WDR59: variants seen among roughly 807,000 people sequenced by gnomAD.
The protein encoded by WDR59 is GATOR2 complex protein WDR59.
Under a neutral mutation model 131.2 loss-of-function variants are expected in WDR59, and 100 were observed. The ratio of observed to expected loss-of-function variants is 0.76; its 90% CI spans 0.65 to 0.90. The LOEUF (loss-of-function observed/expected upper bound fraction) is 0.90. WDR59 is among the 40% of genes least tolerant of loss of function. The probability of loss-of-function intolerance (pLI) is 0.00; values close to 1 mark genes in which losing one functional copy is unlikely to be tolerated. For synonymous variants in WDR59, 601 were observed against 466.2 expected, an observed-to-expected ratio of 1.29 and a Z score of -3.72; for missense variants, 1,203 against 1,262.2, an observed-to-expected ratio of 0.95 and a Z score of 0.71.
At chr16:74,917,048 C>T (rs1201895578) in intron 11 of WDR59, among the ~76,000 whole-genome samples, 3 of 152,056 alleles carry the variant, frequency 2.0e-5, no homozygotes, top group African/African-American at 7.2e-5. Flanking sequence ...ATGTACCAAG[C>T]GCTGTGGGAG....
At chr16:74,951,762 A>G (rs1267873540) in intron 3 of WDR59, among the ~76,000 whole-genome samples, 1 of 152,210 alleles carries the variant, frequency 6.6e-6, no homozygotes, top group Non-Finnish European at 1.5e-5. Context: ...CAAAATGGAA[A>G]GGCAGGACTA....
At chr16:74,934,711 G>A (rs1052167833) in intron 8 of WDR59, among the ~76,000 whole-genome samples, 4 of 152,232 alleles carry the variant, frequency 2.6e-5, no homozygotes, top group African/African-American at 9.6e-5. Context: ...ACTTTGGGAG[G>A]CTGAAGCAGG....
rs12928992 is a variant in WDR59 at position 74,872,735 on chromosome 16, A to G, written c.*1474T>C. ...AACCCAGCCCATCTGAACAGAGGCAAGGAAGACTTTGGTTTATTGACAGGG... is the reference window on the plus strand; with the variant it reads ...AACCCAGCCCATCTGAACAGAGGCAGGGAAGACTTTGGTTTATTGACAGGG... On this transcript the variant is annotated 3_prime_UTR_variant, in exon 26 of 26. Transcript: ENST00000262144. The G allele has an allele frequency of 0.56, 84,684 of 151,728 alleles. 23,965 individuals are homozygous for G. The highest frequency in any genetic ancestry group is 0.66 in the East Asian group (3,395 of 5,126). 9.4% of individuals were successfully genotyped at this position (151,728 alleles called of 1,614,324 possible). A position where few individuals can be genotyped will look rare whatever the true frequency, so the allele number is the denominator to read the frequency against.
chr16:74,968,337 G>A (rs930668544), intron 1 of WDR59, among the ~76,000 whole-genome samples: 1 of 152,202 alleles, frequency 6.6e-6, no homozygotes, highest in African/African-American at 2.4e-5. Flanking sequence ...AGAAGGACAT[G>A]GCAAGGACCT....
intron 6 of WDR59, among the ~76,000 whole-genome samples, chr16:74,946,405 C>A (rs947615453): frequency 1.3e-5 from 2 of 152,086 alleles, no homozygotes; most frequent in African/African-American, 4.8e-5. Flanking sequence ...TACATACACT[C>A]GTCTACAGAA....
chr16:74,906,309 G>A (rs1250681478), intron 17 of WDR59, among the ~76,000 whole-genome samples: 24 of 220 alleles, frequency 0.11, no homozygotes, highest in Admixed American at 0.19. Context: ...GCAAGACTCC[G>A]TCTCAAAAAA....
intron 8 of WDR59, among the ~76,000 whole-genome samples, chr16:74,927,904 C>CTTTTTTTTTTTTTTTTT (rs199671092): frequency 1.5e-5 from 2 of 137,910 alleles, no homozygotes; most frequent in Admixed American, 7.3e-5. Context: ...TTTATTCTTT[C>CTTTTTTTTTTTTTTTTT]TTTCTTTTTT....
At chr16:74,912,839 G>C (rs1011447803) in intron 13 of WDR59, among the ~76,000 whole-genome samples, 5 of 152,228 alleles carry the variant, frequency 3.3e-5, no homozygotes, top group Non-Finnish European at 7.3e-5. Context: ...GATGGGCTGT[G>C]GCTAGCTATC....
At chr16:74,886,188 A>T in intron 24 of WDR59, 82 bp downstream of exon 24, 1 of 1,466,156 alleles carries the variant, frequency 6.8e-7, no homozygotes, top group East Asian at 2.3e-5. Flanking sequence ...AAAAAAAAAA[A>T]AAGTAAGAGT....
chr16:74,912,324 G>C lies in WDR59; in HGVS notation c.1263C>G (p.His421Gln). The part of the protein sequence containing the change: ...AADRSCTVSV[H>Q]CSNHRVKMLV... The stretch of plus-strand genomic sequence containing the variant: ...GCATCTTGACACGATGGTTGCTGCA[G>C]TGCACAGACACTGTGCAGCTCCTGT... The change falls in exon 14 of 26, where the codon CAC becomes CAG. Residue 421 changes from histidine to glutamine, a missense_variant. Transcript: ENST00000262144. 1 of 1,614,116 alleles carries C rather than the reference G, an allele frequency of 6.2e-7. No individual in the cohort carries two copies. The highest frequency in any genetic ancestry group is 1.1e-5 in the South Asian group (1 of 91,084).
chr16:74,949,357 A>T (rs1236670432), intron 5 of WDR59, among the ~76,000 whole-genome samples: 1 of 146,438 alleles, frequency 6.8e-6, no homozygotes, highest in African/African-American at 2.5e-5. Flanking sequence ...AAAAAAAAGA[A>T]AGGAAAGAAA....
intron 18 of WDR59, chr16:74,899,662 A>G (rs1421356843): frequency 7.8e-7 from 1 of 1,285,474 alleles, no homozygotes; most frequent in East Asian, 5.6e-5. Flanking sequence ...TAGAGACAGG[A>G]TTAGTTAAGG....
chr16:74,971,083 C>G (rs1472746138), intron 1 of WDR59, among the ~76,000 whole-genome samples: 1 of 151,970 alleles, frequency 6.6e-6, no homozygotes, highest in Admixed American at 6.6e-5. Flanking sequence ...TAGGTCAGAA[C>G]CAAGTCAAAA....
intron 6 of WDR59, among the ~76,000 whole-genome samples, chr16:74,943,486 T>C (rs1321595145): frequency 2.0e-5 from 3 of 152,132 alleles, no homozygotes; most frequent in African/African-American, 7.2e-5. Context: ...GTGTCATTGA[T>C]ACATTAGTGA....
Position 74,871,714 on chromosome 16 carries a change from G to T in WDR59, c.*2495C>A, listed in dbSNP as rs1964015409. ...TCTCTGCAAATGGTGTGATTTCACTGAGGAACACAACAGATCCTTTCTCTC... is the reference window on the plus strand; with the variant it reads ...TCTCTGCAAATGGTGTGATTTCACTTAGGAACACAACAGATCCTTTCTCTC... On this transcript the variant is annotated 3_prime_UTR_variant, in exon 26 of 26. Coordinates refer to ENST00000262144, the MANE Select transcript of WDR59 (RefSeq NM_030581.4). The T allele has an allele frequency of 6.6e-6, 1 of 152,202 alleles. No homozygotes were observed. Among genetic ancestry groups the T allele is most frequent in the Non-Finnish European group, 1.5e-5 (1 of 68,040 alleles). The allele number at this position is 152,202 out of a possible 1,614,324, so 9.4% of individuals were successfully genotyped here. A position where few individuals can be genotyped will look rare whatever the true frequency, so the allele number is the denominator to read the frequency against.
chr16:74,877,685 C>T (rs549758858), intron 25 of WDR59, among the ~76,000 whole-genome samples: 27 of 152,248 alleles, frequency 1.8e-4, no homozygotes, highest in African/African-American at 5.8e-4. Context: ...GCTGGGACTA[C>T]AGGCGCCTGC....
chr16:74,943,975 G>A (rs893796787), intron 6 of WDR59, among the ~76,000 whole-genome samples: 2 of 152,172 alleles, frequency 1.3e-5, no homozygotes, highest in African/African-American at 4.8e-5. Context: ...GCAAGGAAGA[G>A]TATTAGGAGG....
chr16:74,898,919 T>C (rs1282813839), intron 18 of WDR59, among the ~76,000 whole-genome samples: 1 of 152,216 alleles, frequency 6.6e-6, no homozygotes, highest in African/African-American at 2.4e-5. Context: ...TGGTACTTGC[T>C]AATCGGGGCT....
chr16:74,940,925 C>T (rs1450372690), intron 7 of WDR59, among the ~76,000 whole-genome samples: 1 of 151,888 alleles, frequency 6.6e-6, no homozygotes, highest in African/African-American at 2.4e-5. Flanking sequence ...AGGATGGTCT[C>T]GATCTCCTGA....
Sources: allele counts gnomAD v4.1 joint callset (sites outside exome capture counted in the v4.1 genomes callset), GRCh38; gene constraint gnomAD v4.1.1; transcripts MANE v1.5; gene names NCBI Gene and HGNC (gene_info 2026-07-23, HGNC 2026-07-21).